Variants in TOM1 observed in about 807,000 individuals in gnomAD.
TOM1 encodes target of myb1 membrane trafficking protein.
TOM1 carries 38 observed loss-of-function variants against 61.3 expected under a neutral mutation model. The ratio of observed to expected loss-of-function variants is 0.62; its 90% CI spans 0.48 to 0.81. The LOEUF is 0.81. Ranked by LOEUF, TOM1 falls within the 40% of genes least tolerant of loss-of-function variation. The pLI is 0.00. For synonymous variants in TOM1, 270 were observed against 268.8 expected, an observed-to-expected ratio of 1.00 and a Z score of -0.04; for missense variants, 591 against 659.6, an observed-to-expected ratio of 0.90 and a Z score of 1.14.
chr22:35,319,275 G>T (rs183199199), intron 2 of TOM1, among the ~76,000 whole-genome samples: 2 of 152,160 alleles, frequency 1.3e-5, no homozygotes, highest in Admixed American at 1.3e-4. Flanking sequence ...CAGGCTCGGC[G>T]TCGGTCAGGT....
chr22:35,325,057 A>G (rs1569028963), intron 6 of TOM1, among the ~76,000 whole-genome samples: 1 of 152,198 alleles, frequency 6.6e-6, no homozygotes, highest in Non-Finnish European at 1.5e-5. Context: ...ACCAGCTCGT[A>G]GAGCTGGGGG....
At chr22:35,300,085 G>C (rs1177739149) in intron 1 of TOM1, 105 bp downstream of exon 1, 9 of 1,265,788 alleles carry the variant, frequency 7.1e-6, no homozygotes, top group Non-Finnish European at 9.9e-6. Flanking sequence ...GGAGGGCAAG[G>C]AGGCTGGCGT....
chr22:35,302,389 G>A (rs77483862), intron 1 of TOM1, among the ~76,000 whole-genome samples: 1 of 134,128 alleles, frequency 7.5e-6, no homozygotes, highest in Non-Finnish European at 1.5e-5. Context: ...AGGCTGGGGT[G>A]CAATGGCACC....
At position 35,299,975 on chromosome 22, in the gene TOM1, G is replaced by A. The variant is rs1925572508; in HGVS notation, c.47G>A (p.Arg16His). 5 of 1,574,654 alleles carry A rather than the reference G, an allele frequency of 3.2e-6. No homozygotes were observed. In the Admixed American group the frequency reaches 7.3e-5, roughly 23 times the overall value. Residue 16 changes from arginine (R) to histidine (H), a missense_variant, in exon 1 of 15, where the codon CGC becomes CAC. By Grantham distance (29) the Arg-to-His change is conservative. Coordinates refer to ENST00000449058, the MANE Select transcript of TOM1 (RefSeq NM_005488.3). ...GNPFSSPVGQRIEKATDGSLQ... is the reference protein window; with the variant it reads ...GNPFSSPVGQHIEKATDGSLQ... ...CCGTTCAGCTCTCCAGTGGGACAGC[G>A]CATCGGTGAGTCCCTGGAGCCCCCC... is the stretch of plus-strand genomic sequence containing the variant.
chr22:35,316,045 A>C (rs1022864573), intron 1 of TOM1, among the ~76,000 whole-genome samples: 7 of 152,260 alleles, frequency 4.6e-5, no homozygotes, highest in African/African-American at 1.7e-4. Flanking sequence ...CAAGTTCTAC[A>C]TGCCTACTCT....
At chr22:35,322,152 A>G in intron 3 of TOM1, 115 bp downstream of exon 3, 1 of 919,646 alleles carries the variant, frequency 1.1e-6, no homozygotes, top group South Asian at 1.5e-5. Flanking sequence ...AGAGCTGGAA[A>G]GGTCTGTAGG....
chr22:35,346,875 C>A, intron 13 of TOM1, 55 bp from the exon 14 acceptor site: 2 of 1,546,284 alleles, frequency 1.3e-6, no homozygotes, highest in Non-Finnish European at 8.9e-7. Flanking sequence ...CTGCCCCAGG[C>A]TGACCGTACT....
At chr22:35,346,999 C>T (rs1186998861) in intron 14 of TOM1, 30 bp downstream of exon 14, 3 of 1,554,418 alleles carry the variant, frequency 1.9e-6, no homozygotes, top group Non-Finnish European at 2.6e-6. Context: ...CCCGCCCTCT[C>T]CTTTCCCCAG....
intron 9 of TOM1, 79 bp downstream of exon 9, chr22:35,333,093 G>A (rs943138581): frequency 5.5e-6 from 8 of 1,460,000 alleles, no homozygotes; most frequent in African/African-American, 2.8e-5. Context: ...CCCTCCCCTA[G>A]TAAACTGGAC....
At chr22:35,330,902 A>G (rs1928783524) in intron 8 of TOM1, among the ~76,000 whole-genome samples, 1 of 152,214 alleles carries the variant, frequency 6.6e-6, no homozygotes, top group Non-Finnish European at 1.5e-5. Context: ...TGTTAGGATA[A>G]TAATCTTTAT....
intron 1 of TOM1, among the ~76,000 whole-genome samples, chr22:35,308,131 C>T (rs1399420154): frequency 6.6e-6 from 1 of 152,126 alleles, no homozygotes; most frequent in Middle Eastern, 3.2e-3. Flanking sequence ...GGATCTCCAG[C>T]CTGCCAGCTC....
chr22:35,329,187 C>T (rs1158888766), intron 7 of TOM1, among the ~76,000 whole-genome samples: 2 of 152,202 alleles, frequency 1.3e-5, no homozygotes, highest in Non-Finnish European at 2.9e-5. Context: ...AACTCCTGAC[C>T]TCAGGTGATC....
chr22:35,315,427 T>C (rs775273136), intron 1 of TOM1, among the ~76,000 whole-genome samples: 4 of 152,192 alleles, frequency 2.6e-5, no homozygotes, highest in Non-Finnish European at 4.4e-5. Context: ...CACGGCCCTC[T>C]GCTCAGAGGG....
intron 1 of TOM1, among the ~76,000 whole-genome samples, chr22:35,308,214 C>CTGTG (rs147639234): frequency 4.6e-5 from 7 of 151,116 alleles, no homozygotes; most frequent in East Asian, 1.9e-4. Flanking sequence ...GCTCTTTCTC[C>CTGTG]TGTGTGTGTG....
At chr22:35,315,488 A>G (rs28571283) in intron 1 of TOM1, among the ~76,000 whole-genome samples, 1 of 151,990 alleles carries the variant, frequency 6.6e-6, no homozygotes, top group African/African-American at 2.4e-5. Flanking sequence ...TAAGTGTGGA[A>G]CCCCCAAGGG....
At chr22:35,344,660 G>A (rs1163049466) in intron 12 of TOM1, 2 of 152,252 alleles carry the variant, frequency 1.3e-5, no homozygotes, top group African/African-American at 4.8e-5. Flanking sequence ...GTCCTCAGGT[G>A]CTGGGTGACA....
At chr22:35,331,971 ATG>A in intron 8 of TOM1, among the ~76,000 whole-genome samples, 1 of 152,280 alleles carries the variant, frequency 6.6e-6, no homozygotes, top group Non-Finnish European at 1.5e-5. Flanking sequence ...TATCTGTAAA[ATG>A]AGGCTTGTGG....
chr22:35,319,628 A>G (rs1040184041), intron 2 of TOM1, among the ~76,000 whole-genome samples: 2 of 152,180 alleles, frequency 1.3e-5, no homozygotes, highest in African/African-American at 4.8e-5. Context: ...TCAGTGGCGC[A>G]TGGCGGAACA....
chr22:35,307,366 G>C (rs1926411677), intron 1 of TOM1, among the ~76,000 whole-genome samples: 1 of 152,162 alleles, frequency 6.6e-6, no homozygotes, highest in African/African-American at 2.4e-5. Flanking sequence ...ATGCAGGAGA[G>C]GAAAAATTTA....
Sources: gnomAD v4.1 joint callset for allele counts (sites outside exome capture counted in the v4.1 genomes callset) on GRCh38, gnomAD v4.1.1 for gene constraint, MANE v1.5 for transcripts, NCBI Gene and HGNC (gene_info 2026-07-23, HGNC 2026-07-21) for gene names.